ARHGEF4: variants seen among roughly 807,000 people sequenced by gnomAD.
ARHGEF4 encodes Rho guanine nucleotide exchange factor 4.
In ARHGEF4, 119 loss-of-function variants were observed where a neutral mutation model predicts 162.0. That is an observed-to-expected ratio of 0.73 (90% CI 0.63 to 0.86). The LOEUF is 0.86. Among genes scored for constraint, ARHGEF4 ranks in the 40% least tolerant of loss-of-function variants. The pLI is 0.00. For missense variants in ARHGEF4, 2,488 were observed against 2,456.0 expected (o/e 1.01, Z -0.28); for synonymous variants, 1,014 against 979.9 (o/e 1.03, Z -0.65).
At chr2:130,847,512 C>T (rs1574088405) in intron 1 of ARHGEF4, among the ~76,000 whole-genome samples, 2 of 152,212 alleles carry the variant, frequency 1.3e-5, no homozygotes, top group South Asian at 4.1e-4. Flanking sequence ...GATAATGGTT[C>T]CTCTCTGTAA....
At chr2:130,907,679 T>A (rs889564437) in intron 1 of ARHGEF4, among the ~76,000 whole-genome samples, 4 of 151,680 alleles carry the variant, frequency 2.6e-5, no homozygotes, top group Admixed American at 6.6e-5. Context: ...TGAGTCCAGG[T>A]GCGGTGGCCC....
chr2:130,903,247 C>CTTTTTTTTTTTTT (rs59665239), intron 1 of ARHGEF4, among the ~76,000 whole-genome samples: 8 of 143,732 alleles, frequency 5.6e-5, no homozygotes, highest in Non-Finnish European at 9.0e-5. Flanking sequence ...TTTATCTTGA[C>CTTTTTTTTTTTTT]TTTTTTTTTT....
chr2:130,919,226 GTCT>G (rs1681720721), intron 2 of ARHGEF4, among the ~76,000 whole-genome samples: 1 of 152,176 alleles, frequency 6.6e-6, no homozygotes, highest in African/African-American at 2.4e-5. Context: ...CTAGTTTGGG[GTCT>G]TTATAAATAA....
chr2:130,952,058 G>A (rs1432655075), intron 4 of ARHGEF4, among the ~76,000 whole-genome samples: 1 of 152,142 alleles, frequency 6.6e-6, no homozygotes, highest in Non-Finnish European at 1.5e-5. Context: ...GTTAAGAGAA[G>A]AAAGGAGAAA....
At chr2:130,884,437 A>G (rs1229670616) in intron 1 of ARHGEF4, among the ~76,000 whole-genome samples, 2 of 152,092 alleles carry the variant, frequency 1.3e-5, no homozygotes, top group African/African-American at 2.4e-5. Flanking sequence ...TAAATTCTCT[A>G]TGTCTCAGTG....
At chr2:130,975,396 ACT>A (rs1328157010) in intron 4 of ARHGEF4, among the ~76,000 whole-genome samples, 1 of 151,676 alleles carries the variant, frequency 6.6e-6, no homozygotes, top group East Asian at 1.9e-4. Flanking sequence ...CACAGCCCTT[ACT>A]CTCAAAACCT....
intron 1 of ARHGEF4, among the ~76,000 whole-genome samples, chr2:130,879,267 T>C (rs1401322811): frequency 6.6e-6 from 1 of 152,256 alleles, no homozygotes; most frequent in Non-Finnish European, 1.5e-5. Flanking sequence ...GGAATTCTTC[T>C]GTATGGAAGA....
chr2:131,017,017 A>G (rs1201548778), intron 4 of ARHGEF4, among the ~76,000 whole-genome samples: 3 of 152,226 alleles, frequency 2.0e-5, no homozygotes, highest in African/African-American at 7.2e-5. Flanking sequence ...TGTGCTGTCT[A>G]AACACTGTTG....
chr2:131,022,959 G>A (rs1351935974), intron 4 of ARHGEF4, among the ~76,000 whole-genome samples: 1 of 150,648 alleles, frequency 6.6e-6, no homozygotes, highest in Non-Finnish European at 1.5e-5. Context: ...AGAACTCTCT[G>A]AGCCAGCTGT....
intron 4 of ARHGEF4, among the ~76,000 whole-genome samples, chr2:131,019,919 C>T (rs1369083056): frequency 1.3e-5 from 2 of 152,194 alleles, no homozygotes; most frequent in East Asian, 3.9e-4. Flanking sequence ...CAGGCGTGAG[C>T]CACCATGCCT....
At chr2:130,921,650 A>T (rs1465831012) in intron 2 of ARHGEF4, among the ~76,000 whole-genome samples, 1 of 151,962 alleles carries the variant, frequency 6.6e-6, no homozygotes, top group African/African-American at 2.4e-5. Flanking sequence ...TCTCACTGTG[A>T]TTTTAGTTTT....
intron 1 of ARHGEF4, among the ~76,000 whole-genome samples, chr2:130,887,426 T>G (rs890282921): frequency 3.3e-5 from 5 of 152,130 alleles, no homozygotes; most frequent in African/African-American, 1.2e-4. Flanking sequence ...TAAGCCTAGT[T>G]TTGTTAAATT....
chr2:130,981,677 A>G (rs1057288962), intron 4 of ARHGEF4, among the ~76,000 whole-genome samples: 6 of 151,818 alleles, frequency 4.0e-5, no homozygotes, highest in African/African-American at 1.2e-4. Flanking sequence ...AAAAAAGAAA[A>G]AAAAGAAGTA....
At chr2:130,890,982 C>G (rs1432784821) in intron 1 of ARHGEF4, among the ~76,000 whole-genome samples, 2 of 152,172 alleles carry the variant, frequency 1.3e-5, no homozygotes, top group Non-Finnish European at 2.9e-5. Flanking sequence ...CTCTGAGAAA[C>G]TGAGACCTCT....
intron 10 of ARHGEF4, among the ~76,000 whole-genome samples, chr2:131,042,887 A>G (rs1279080283): frequency 6.6e-6 from 1 of 152,238 alleles, no homozygotes; most frequent in Admixed American, 6.5e-5. Context: ...CAGTGCACTT[A>G]GCTGGGAAGA....
At chr2:130,936,259 A>C (rs1344586213) in intron 3 of ARHGEF4, among the ~76,000 whole-genome samples, 1 of 152,164 alleles carries the variant, frequency 6.6e-6, no homozygotes, top group East Asian at 1.9e-4. Context: ...ATGTCCGTTT[A>C]TTATTGGAAG....
rs543678247 is a variant in ARHGEF4, at chr2:130,916,381, G to A, written c.2435G>A (p.Gly812Glu). ...KGRPLATESP[G>E]GVPAPTTEGR... The stretch of plus-strand genomic sequence containing the variant: ...AGGCCCTTGGCCACTGAGAGCCCAG[G>A]AGGGGTCCCGGCCCCGACCACCGAG... Residue 812 changes from glycine (G) to glutamate (E), a missense_variant, in exon 2 of 14, where the codon GGA becomes GAA. By Grantham distance (98) the Gly-to-Glu change is moderately conservative. Transcript: ENST00000409359. The A allele has an allele frequency of 1.2e-3, 1,887 of 1,535,482 alleles. 2 individuals are homozygous for A. The highest frequency in any genetic ancestry group is 1.4e-3 in the Non-Finnish European group (1,637 of 1,143,422).
At position 130,931,033 on chromosome 2, in the gene ARHGEF4, C is replaced by T. The variant is rs1444876657; in HGVS notation, c.3634C>T (p.Gln1212Ter). The T allele has an allele frequency of 6.2e-7, 1 of 1,614,160 alleles. No individual in the cohort carries two copies. The highest frequency in any genetic ancestry group is 8.5e-7 in the Non-Finnish European group (1 of 1,180,004). The change falls in exon 3 of 14, where the codon CAG becomes TAG. Residue 1212 changes from glutamine (Q) to a stop codon, truncating the protein, a stop_gained. Transcript: ENST00000409359. LOFTEE classifies it high-confidence loss of function. ...GAAGGCGTTCCACATGGAGCCTGCC[C>T]AGAAGCCCTGCTTCACCACTGACAT... ...SQKAFHMEPAQKPCFTTDMVT... is the reference protein window; with the variant it reads ...SQKAFHMEPA
At chr2:130,879,789 A>AT (rs1402976805) in intron 1 of ARHGEF4, among the ~76,000 whole-genome samples, 2 of 149,198 alleles carry the variant, frequency 1.3e-5, no homozygotes, top group African/African-American at 2.5e-5. Flanking sequence ...TATTTTTTTT[A>AT]TTTTTTTAAG....
Sources: allele counts gnomAD v4.1 joint callset (sites outside exome capture counted in the v4.1 genomes callset), GRCh38; gene constraint gnomAD v4.1.1; transcripts MANE v1.5; gene names NCBI Gene and HGNC (gene_info 2026-07-23, HGNC 2026-07-21).